HS3ST4: variants seen among roughly 807,000 people sequenced by gnomAD.
The protein encoded by HS3ST4 is heparan sulfate-glucosamine 3-sulfotransferase 4, also known as heparan sulfate glucosamine 3-O-sulfotransferase 4.
Under a neutral mutation model 29.2 loss-of-function variants are expected in HS3ST4, and 17 were observed. That is an observed-to-expected ratio of 0.58 (90% CI 0.40 to 0.87). The LOEUF (loss-of-function observed/expected upper bound fraction) is 0.87, where lower values mean the gene tolerates loss of function less well. Among genes scored for constraint, HS3ST4 ranks in the 40% least tolerant of loss-of-function variants. The pLI is 0.00. For synonymous variants in HS3ST4, 314 were observed against 285.7 expected, an observed-to-expected ratio of 1.10 and a Z score of -1.00; for missense variants, 627 against 634.5, an observed-to-expected ratio of 0.99 and a Z score of 0.13.
chr16:25,701,985 G>A (rs1228954062), intron 1 of HS3ST4, among the ~76,000 whole-genome samples: 3 of 152,182 alleles, frequency 2.0e-5, no homozygotes. Context: ...CTGATTTTCA[G>A]AACAACCTGC....
rs147558197 is a variant in HS3ST4, at chr16:26,106,745, G to T, written c.735-28867G>T. 4.7e-4 allele frequency among the ~76,000 whole-genome samples: 72 copies of T among 152,356 alleles called. No homozygotes were observed. In the East Asian group the frequency reaches 0.012, roughly 26 times the overall value. ...ACCAGATACCATGTCTTCCTGTGCT[G>T]TTCCCCTAGCACAGATAAAGAGGGC... On this transcript the variant is annotated intron_variant, in intron 1 of 1. Coordinates refer to ENST00000331351, the MANE Select transcript of HS3ST4 (RefSeq NM_006040.3).
intron 1 of HS3ST4, among the ~76,000 whole-genome samples, chr16:25,986,595 T>G (rs1265540689): frequency 6.6e-6 from 1 of 152,242 alleles, no homozygotes; most frequent in Non-Finnish European, 1.5e-5. Context: ...ATGCTCGCAG[T>G]GTCCATAAAA....
chr16:25,896,781 A>G (rs962160862), intron 1 of HS3ST4, among the ~76,000 whole-genome samples: 13 of 152,342 alleles, frequency 8.5e-5, no homozygotes, highest in African/African-American at 2.6e-4. Context: ...GATAAAGAAA[A>G]TGTGGTACAT....
chr16:26,091,945 C>T (rs1015747627), intron 1 of HS3ST4, among the ~76,000 whole-genome samples: 2 of 152,176 alleles, frequency 1.3e-5, no homozygotes, highest in Non-Finnish European at 2.9e-5. Context: ...AACCCCTTCC[C>T]TCCTGGGGCT....
intron 1 of HS3ST4, among the ~76,000 whole-genome samples, chr16:25,787,225 TA>T (rs1222962870): frequency 6.6e-6 from 1 of 152,194 alleles, no homozygotes; most frequent in Admixed American, 6.5e-5. Flanking sequence ...AAATGTTTTA[TA>T]AGAAGAAAAA....
rs1182333706 is a variant in HS3ST4 at position 26,005,816 on chromosome 16, T to A, written c.735-129796T>A. On this transcript the variant is annotated intron_variant, in intron 1 of 1. Transcript: ENST00000331351. Reference sequence around the variant, plus strand: ...CAGGATTTCTCAACTCTGGCACTATTACCATTTGGGGCTGGATAATTCTTC... The same window carrying A: ...CAGGATTTCTCAACTCTGGCACTATAACCATTTGGGGCTGGATAATTCTTC... Among the ~76,000 whole-genome samples the A allele has an allele frequency of 3.3e-5, 5 of 152,102 alleles. No individual in the cohort carries two copies. The South Asian group carries it at 1.0e-3, about 32-fold the overall frequency.
At chr16:25,706,243 A>C (rs1321032799) in intron 1 of HS3ST4, among the ~76,000 whole-genome samples, 1 of 152,074 alleles carries the variant, frequency 6.6e-6, no homozygotes, top group East Asian at 1.9e-4. Context: ...GCAGTTGTTG[A>C]GCTTTGGGAG....
intron 1 of HS3ST4, among the ~76,000 whole-genome samples, chr16:25,992,102 G>T (rs1335037058): frequency 3.3e-5 from 5 of 152,198 alleles, no homozygotes; most frequent in African/African-American, 4.8e-5. Flanking sequence ...ATGGTGCTAA[G>T]TCCTAGGGCT....
chr16:25,970,536 G>T (rs548245002), intron 1 of HS3ST4, among the ~76,000 whole-genome samples: 2 of 150,412 alleles, frequency 1.3e-5, no homozygotes, highest in Admixed American at 6.6e-5. Context: ...TTTTTTCAGG[G>T]TCTAGCTCTG....
chr16:25,695,878 G>C (rs1028338533), intron 1 of HS3ST4, among the ~76,000 whole-genome samples: 34 of 152,244 alleles, frequency 2.2e-4, no homozygotes, highest in African/African-American at 7.7e-4. Context: ...ACATGTTTCT[G>C]GTTTTTGTGT....
intron 1 of HS3ST4, among the ~76,000 whole-genome samples, chr16:25,993,442 C>T (rs890472945): frequency 1.1e-4 from 16 of 151,924 alleles, no homozygotes; most frequent in Non-Finnish European, 2.1e-4. Flanking sequence ...TTTGGAGGTG[C>T]GGAAGTGTGA....
At chr16:26,081,193 A>C (rs1438984745) in intron 1 of HS3ST4, among the ~76,000 whole-genome samples, 1 of 151,938 alleles carries the variant, frequency 6.6e-6, no homozygotes, top group African/African-American at 2.4e-5. Flanking sequence ...AGGCTGAGGC[A>C]GAAGAATCAC....
At chr16:26,072,308 C>A (rs1179040802) in intron 1 of HS3ST4, among the ~76,000 whole-genome samples, 2 of 152,146 alleles carry the variant, frequency 1.3e-5, no homozygotes, top group Non-Finnish European at 2.9e-5. Context: ...GGAGAGCAAG[C>A]CAATCTAGAA....
At chr16:25,964,057 C>A (rs894424577) in intron 1 of HS3ST4, among the ~76,000 whole-genome samples, 1 of 151,944 alleles carries the variant, frequency 6.6e-6, no homozygotes, top group African/African-American at 2.4e-5. Context: ...TGCCTGTAAT[C>A]CCAGCCACTT....
Position 26,024,374 on chromosome 16 carries a change from T to C in HS3ST4, c.735-111238T>C, listed in dbSNP as rs1007667643. On this transcript the variant is annotated intron_variant, in intron 1 of 1. Transcript: ENST00000331351. Reference sequence around the variant, plus strand: ...CCCAGTTTGATAATCCATCTTCCCTTTAGAACTGTGGCATAAGAGTCCATG... The same window carrying C: ...CCCAGTTTGATAATCCATCTTCCCTCTAGAACTGTGGCATAAGAGTCCATG... Among the ~76,000 whole-genome samples, 5 of 152,296 alleles carry C rather than the reference T, an allele frequency of 3.3e-5. No individual in the cohort carries two copies. The Middle Eastern group carries it at 0.014, about 414-fold the overall frequency.
intron 1 of HS3ST4, among the ~76,000 whole-genome samples, chr16:26,014,969 A>G (rs571379868): frequency 6.6e-6 from 1 of 152,380 alleles, no homozygotes; most frequent in Admixed American, 6.5e-5. Context: ...CTAATTGAAT[A>G]CAGACCTTTT....
chr16:25,826,563 G>A (rs957659960), intron 1 of HS3ST4, among the ~76,000 whole-genome samples: 4 of 152,058 alleles, frequency 2.6e-5, no homozygotes, highest in African/African-American at 9.7e-5. Context: ...TATTATCAAG[G>A]AAATTGCAAA....
At chr16:25,756,845 T>G (rs1348429352) in intron 1 of HS3ST4, among the ~76,000 whole-genome samples, 1 of 152,194 alleles carries the variant, frequency 6.6e-6, no homozygotes, top group Non-Finnish European at 1.5e-5. Context: ...AAGCTACATA[T>G]TTTTTCTGCA....
intron 1 of HS3ST4, among the ~76,000 whole-genome samples, chr16:25,844,875 G>A (rs545582951): frequency 6.6e-6 from 1 of 152,090 alleles, no homozygotes; most frequent in Non-Finnish European, 1.5e-5. Flanking sequence ...GCCATAAAAA[G>A]GAACAAGATC....
Sources: allele counts gnomAD v4.1 joint callset (sites outside exome capture counted in the v4.1 genomes callset), GRCh38; gene constraint gnomAD v4.1.1; transcripts MANE v1.5; gene names NCBI Gene and HGNC (gene_info 2026-07-23, HGNC 2026-07-21).